Variants in ZMIZ1 observed in about 807,000 individuals in gnomAD.
ZMIZ1 encodes zinc finger MIZ domain-containing protein 1.
A neutral mutation model predicts 113.9 loss-of-function variants in ZMIZ1; 17 were observed. That is an observed-to-expected ratio of 0.15 (90% CI 0.10 to 0.22). ZMIZ1 has a LOEUF of 0.22. ZMIZ1 is among the 10% of genes least tolerant of loss of function. The pLI is 1.00. For missense variants in ZMIZ1, 1,059 were observed against 1,477.8 expected, an observed-to-expected ratio of 0.72 and a Z score of 4.65; for synonymous variants, 607 against 603.1, an observed-to-expected ratio of 1.01 and a Z score of -0.09.
chr10:79,142,524 A>G (rs1243185813), intron 3 of ZMIZ1, among the ~76,000 whole-genome samples: 4 of 152,148 alleles, frequency 2.6e-5, no homozygotes, highest in African/African-American at 9.7e-5. Context: ...CAGTGCATGG[A>G]AAGGACTCTG....
intron 4 of ZMIZ1, among the ~76,000 whole-genome samples, chr10:79,197,634 A>C (rs34942927): frequency 1.4e-4 from 13 of 90,358 alleles, no homozygotes; most frequent in Non-Finnish European, 3.2e-4. Context: ...ACACACACAC[A>C]CACACACACC....
At chr10:79,276,481 C>A (rs1852299057) in intron 7 of ZMIZ1, among the ~76,000 whole-genome samples, 1 of 152,184 alleles carries the variant, frequency 6.6e-6, no homozygotes, top group East Asian at 1.9e-4. Flanking sequence ...GCCTTGGGCA[C>A]CCCTGGCTGC....
At chr10:79,138,582 C>T (rs1221963019) in intron 2 of ZMIZ1, among the ~76,000 whole-genome samples, 1 of 152,194 alleles carries the variant, frequency 6.6e-6, no homozygotes, top group Non-Finnish European at 1.5e-5. Context: ...AAGGCTGCAG[C>T]ACACCATGGC....
intron 3 of ZMIZ1, among the ~76,000 whole-genome samples, chr10:79,142,421 G>A (rs1362109472): frequency 2.6e-5 from 4 of 152,080 alleles, no homozygotes; most frequent in African/African-American, 9.7e-5. Flanking sequence ...AGGGGAGTGA[G>A]TGGATAAGGG....
intron 3 of ZMIZ1, among the ~76,000 whole-genome samples, chr10:79,144,722 T>C (rs1791053763): frequency 6.6e-6 from 1 of 152,242 alleles, no homozygotes; most frequent in South Asian, 2.1e-4. Context: ...AGTGAATAGT[T>C]TCCGTGTAAA....
intron 4 of ZMIZ1, among the ~76,000 whole-genome samples, chr10:79,164,150 C>T (rs889318555): frequency 6.6e-6 from 1 of 152,166 alleles, no homozygotes; most frequent in African/African-American, 2.4e-5. Flanking sequence ...GGACGGTGAA[C>T]ATGCGGCCTT....
chr10:79,296,377 G>C lies in ZMIZ1; in HGVS notation c.1231-94G>C, dbSNP rs1589590000. ...GTGGGAAACAGCAGGAGCAAATGAG[G>C]AGAGGCGGGCCCCATCCCGTTGTTC... On this transcript the variant is annotated intron_variant, in intron 12 of 24. Coordinates refer to ENST00000334512, the MANE Select transcript of ZMIZ1 (RefSeq NM_020338.4). The surrounding 1 kb of genome is among the most constrained non-coding windows in gnomAD (Gnocchi z 4.1). The C allele has an allele frequency of 7.4e-7, 1 of 1,359,118 alleles. No homozygotes were observed. Among genetic ancestry groups the C allele is most frequent in the East Asian group, 2.4e-5 (1 of 42,454 alleles). The allele number at this position is 1,359,118 out of a possible 1,614,324, so 84.2% of individuals were successfully genotyped here.
chr10:79,132,081 G>C (rs1463518534), intron 2 of ZMIZ1, among the ~76,000 whole-genome samples: 3 of 152,208 alleles, frequency 2.0e-5, no homozygotes, highest in Non-Finnish European at 4.4e-5. Context: ...AGAACCTGCA[G>C]TGTTCAAAGT....
intron 2 of ZMIZ1, among the ~76,000 whole-genome samples, chr10:79,127,029 A>G (rs1589304233): frequency 6.6e-6 from 1 of 152,350 alleles, no homozygotes; most frequent in East Asian, 1.9e-4. Context: ...CCTGGGTCCC[A>G]GGATAAAATG....
intron 20 of ZMIZ1, 147 bp from the exon 21 acceptor site, chr10:79,305,386 T>C: frequency 1.7e-6 from 2 of 1,199,756 alleles, no homozygotes; most frequent in Non-Finnish European, 2.5e-6. Context: ...GGTCCCTTGG[T>C]ATCACGCGGT....
intron 1 of ZMIZ1, among the ~76,000 whole-genome samples, chr10:79,103,333 G>A (rs1843437292): frequency 6.6e-6 from 1 of 152,174 alleles, no homozygotes; most frequent in Admixed American, 6.5e-5. Flanking sequence ...CTTTACAGCT[G>A]TAAGGAAGAG....
chr10:79,284,270 CG>C (rs1852919889), intron 8 of ZMIZ1, among the ~76,000 whole-genome samples: 1 of 152,078 alleles, frequency 6.6e-6, no homozygotes, highest in Non-Finnish European at 1.5e-5. Context: ...CTATAAAATA[CG>C]TGAAAAAAGT....
intron 4 of ZMIZ1, among the ~76,000 whole-genome samples, chr10:79,180,568 G>A (rs937382666): frequency 6.6e-6 from 1 of 152,182 alleles, no homozygotes; most frequent in African/African-American, 2.4e-5. Flanking sequence ...CTGGCCCAAA[G>A]GAAGTGGGCT....
chr10:79,109,286 G>A (rs974515578), intron 1 of ZMIZ1, among the ~76,000 whole-genome samples: 1 of 152,094 alleles, frequency 6.6e-6, no homozygotes, highest in African/African-American at 2.4e-5. Context: ...GTGCACACAT[G>A]TGTGGGCATG....
intron 20 of ZMIZ1, 89 bp from the exon 21 acceptor site, chr10:79,305,444 G>A (rs1250558): frequency 0.33 from 481,923 of 1,438,758 alleles, 86,246 homozygotes; most frequent in East Asian, 0.44. Flanking sequence ...CAGCAGGGGT[G>A]GGACCCCACT....
chr10:79,300,524 G>A (rs1168751877), intron 16 of ZMIZ1, among the ~76,000 whole-genome samples: 1 of 152,160 alleles, frequency 6.6e-6, no homozygotes, highest in Non-Finnish European at 1.5e-5. Context: ...TTGGTGTGCG[G>A]GGGTCTTGGG....
chr10:79,151,639 C>T (rs1012519030), intron 3 of ZMIZ1, among the ~76,000 whole-genome samples: 2 of 152,208 alleles, frequency 1.3e-5, no homozygotes, highest in Non-Finnish European at 2.9e-5. Context: ...AGGCGCTGCT[C>T]AGAGCCAGCA....
Position 79,302,142 on chromosome 10 carries a change from C to T in ZMIZ1, c.2055C>T (p.Pro685=). ...TCGTGCTGCAGCTGGTACACCGGCC[C>T]TCCGTCCGCTCTGTGCTGCAAGGAC... is the stretch of plus-strand genomic sequence containing the variant. The part of the protein sequence containing the change: ...HLFVLQLVHR[P]SVRSVLQGLL... Residue 685 remains proline (P), a synonymous_variant, in exon 18 of 25, where the codon CCC becomes CCT. Coordinates refer to ENST00000334512, the MANE Select transcript of ZMIZ1 (RefSeq NM_020338.4). The T allele has an allele frequency of 6.2e-7, 1 of 1,614,050 alleles. No individual in the cohort carries two copies. The highest frequency in any genetic ancestry group is 2.2e-5 in the East Asian group (1 of 44,872).
intron 2 of ZMIZ1, among the ~76,000 whole-genome samples, chr10:79,128,075 TAA>T (rs1844592596): frequency 6.6e-6 from 1 of 152,194 alleles, no homozygotes; most frequent in South Asian, 2.1e-4. Flanking sequence ...CTTCTGAGTC[TAA>T]AGAGGGGTCT....
Sources: gnomAD v4.1 joint callset for allele counts (sites outside exome capture counted in the v4.1 genomes callset) on GRCh38, gnomAD v4.1.1 for gene constraint, Gnocchi (gnomAD v3.1) non-coding constraint, MANE v1.5 for transcripts, NCBI Gene and HGNC (gene_info 2026-07-23, HGNC 2026-07-21) for gene names.